C1orf141: variants seen among roughly 807,000 people sequenced by gnomAD.
C1orf141 encodes the protein chromosome 1 open reading frame 141.
A neutral mutation model predicts 23.2 loss-of-function variants in C1orf141; 19 were observed. The observed-to-expected ratio is 0.82, with a 90% CI of 0.57 to 1.20. C1orf141 has a LOEUF of 1.20. Among genes scored for constraint, C1orf141 ranks in the 50% most tolerant of loss-of-function variants. The pLI, the probability that C1orf141 is intolerant of heterozygous loss-of-function variation, is 0.00. For missense variants in C1orf141, 469 were observed against 455.1 expected (o/e 1.03, Z -0.28); for synonymous variants, 153 against 154.6 (o/e 0.99, Z 0.08).
At chr1:67,136,565 C>T (rs968992947), upstream of C1orf141, among the ~76,000 whole-genome samples, 1 of 152,140 alleles carries the variant, frequency 6.6e-6, no homozygotes, top group Non-Finnish European at 1.5e-5. Context: ...ATTTGTAAAG[C>T]ATGAATCTTA....
chr1:67,093,003 T>G lies in C1orf141; in HGVS notation c.*2A>C. On this transcript the variant is annotated 3_prime_UTR_variant, in exon 8 of 8. Coordinates refer to ENST00000684719, the MANE Select transcript of C1orf141 (RefSeq NM_001276351.2). ...CTCAAATATTGCTGCATACATAATATTTTATGAGGCATTTAAAATTTCATT... is the reference window on the plus strand; with the variant it reads ...CTCAAATATTGCTGCATACATAATAGTTTATGAGGCATTTAAAATTTCATT... The G allele has an allele frequency of 6.4e-7, 1 of 1,573,848 alleles. No homozygotes were observed. The highest frequency in any genetic ancestry group is 1.4e-5 in the African/African-American group (1 of 73,614).
chr1:67,135,477 G>A (rs1224700926), upstream of C1orf141, among the ~76,000 whole-genome samples: 1 of 152,146 alleles, frequency 6.6e-6, no homozygotes, highest in Non-Finnish European at 1.5e-5. Flanking sequence ...ACTGTATTAC[G>A]CAAGTTGTGT....
At chr1:67,103,492 C>A (rs1173351255) in intron 5 of C1orf141, 1 of 557,714 alleles carries the variant, frequency 1.8e-6, no homozygotes, top group African/African-American at 1.9e-5. Context: ...ATTATGATAA[C>A]TAACAGCTGT....
intron 4 of C1orf141, among the ~76,000 whole-genome samples, chr1:67,119,568 T>C (rs1646260586): frequency 6.6e-6 from 1 of 152,110 alleles, no homozygotes; most frequent in African/African-American, 2.4e-5. Context: ...AAAAGTATGC[T>C]TGGGAGAGAA....
At chr1:67,139,849 C>T (rs1032294978), upstream of C1orf141, among the ~76,000 whole-genome samples, 8 of 152,024 alleles carry the variant, frequency 5.3e-5, no homozygotes, top group Non-Finnish European at 7.4e-5. Context: ...CTTGGTGGGG[C>T]CTTTAAAAGG....
Position 67,095,410 on chromosome 1 carries a change from G to A in C1orf141, c.428C>T (p.Pro143Leu). The change falls in exon 7 of 8, where the codon CCA (proline) becomes CTA (leucine). Residue 143 changes from proline to leucine, a missense_variant. Pro to Leu is a moderately conservative substitution (Grantham distance 98). Around this residue, in one of 3 missense-constraint regions of C1orf141, gnomAD observed 370 missense variants for 348.1 expected, o/e 1.06. Coordinates refer to ENST00000684719, the MANE Select transcript of C1orf141 (RefSeq NM_001276351.2). ...EGDRNKRKKS[P>L]QMNDFNIKEN... Reference sequence around the variant, plus strand: ...TTTTATATTAAAATCGTTCATCTGTGGAGATTTTTTTCTGAAAATAAACAC... The same window carrying A: ...TTTTATATTAAAATCGTTCATCTGTAGAGATTTTTTTCTGAAAATAAACAC... The A allele has an allele frequency of 6.6e-7, 1 of 1,525,754 alleles. No individual in the cohort carries two copies. Among genetic ancestry groups the A allele is most frequent in the South Asian group, 1.2e-5 (1 of 81,076 alleles). 94.5% of individuals were successfully genotyped at this position (1,525,754 alleles called of 1,614,324 possible).
chr1:67,107,180 G>A (rs1024257468), intron 5 of C1orf141, among the ~76,000 whole-genome samples: 1 of 152,130 alleles, frequency 6.6e-6, no homozygotes, highest in Non-Finnish European at 1.5e-5. Context: ...ACTGTGACAA[G>A]TTGATGATGT....
At chr1:67,097,319 T>C (rs1645704250) in intron 5 of C1orf141, among the ~76,000 whole-genome samples, 1 of 152,224 alleles carries the variant, frequency 6.6e-6, no homozygotes, top group Non-Finnish European at 1.5e-5. Flanking sequence ...TCAAGTACCA[T>C]GGAAGAATAT....
intron 5 of C1orf141, chr1:67,111,563 C>T (rs1378718704): frequency 8.9e-7 from 1 of 1,124,202 alleles, no homozygotes; most frequent in Non-Finnish European, 1.2e-6. Flanking sequence ...ACTGAGTATA[C>T]AAATTACACC....
intron 4 of C1orf141, among the ~76,000 whole-genome samples, chr1:67,124,617 C>G (rs1646368879): frequency 6.6e-6 from 1 of 152,184 alleles, no homozygotes; most frequent in African/African-American, 2.4e-5. Flanking sequence ...CCATGCCCGG[C>G]CCACAAATGT....
intron 2 of C1orf141, among the ~76,000 whole-genome samples, chr1:67,129,905 T>C (rs1306075170): frequency 1.3e-5 from 2 of 152,216 alleles, no homozygotes; most frequent in East Asian, 3.8e-4. Flanking sequence ...CTTCAGAATA[T>C]ACTGAAGACT....
chr1:67,125,485 G>A (rs1194057226), intron 4 of C1orf141, among the ~76,000 whole-genome samples: 2 of 152,010 alleles, frequency 1.3e-5, no homozygotes, highest in African/African-American at 4.8e-5. Context: ...ATCTCTTGAG[G>A]CCAGAAGTTC....
Position 67,092,932 on chromosome 1 carries a change from A to C in C1orf141, c.*73T>G, listed in dbSNP as rs1408763397. 1 of 1,187,524 alleles carries C rather than the reference A, an allele frequency of 8.4e-7. No homozygotes were observed. The highest frequency in any genetic ancestry group is 1.5e-5 in the African/African-American group (1 of 64,676). The allele number at this position is 1,187,524 out of a possible 1,614,324, so 73.6% of individuals were successfully genotyped here. On this transcript the variant is annotated 3_prime_UTR_variant, in exon 8 of 8. Coordinates refer to ENST00000684719, the MANE Select transcript of C1orf141 (RefSeq NM_001276351.2). ...CAATTAGAACATTACTATTTGGATA[A>C]GAATTTCTTTTATAATTTTGGAACT...
chr1:67,123,228 T>C (rs1646336639), intron 4 of C1orf141: 1 of 149,362 alleles, frequency 6.7e-6, no homozygotes, highest in Admixed American at 6.7e-5. Context: ...TAAATAAAAA[T>C]AAAAGTTCAG....
intron 4 of C1orf141, chr1:67,122,610 C>T (rs2102484308): frequency 6.6e-6 from 1 of 152,248 alleles, no homozygotes; most frequent in African/African-American, 2.4e-5. Context: ...TGACTGCTTC[C>T]TCAAATTTTT....
chr1:67,096,730 G>T (rs1427200548), intron 5 of C1orf141, among the ~76,000 whole-genome samples: 1 of 152,180 alleles, frequency 6.6e-6, no homozygotes, highest in Non-Finnish European at 1.5e-5. Context: ...ATCCAAGGTT[G>T]ATCTCTTCCA....
chr1:67,131,408 CCTT>C (rs1395238491), intron 1 of C1orf141, among the ~76,000 whole-genome samples, 181 bp from the exon 2 acceptor site: 2 of 152,040 alleles, frequency 1.3e-5, no homozygotes, highest in Non-Finnish European at 2.9e-5. Flanking sequence ...GAGTGAGACT[CCTT>C]CTCAAAAACC....
intron 5 of C1orf141, among the ~76,000 whole-genome samples, chr1:67,097,680 T>C (rs1242544287): frequency 6.6e-6 from 1 of 152,174 alleles, no homozygotes; most frequent in Non-Finnish European, 1.5e-5. Context: ...AAGATCACTC[T>C]GCTTGCTCAG....
chr1:67,108,615 C>G (rs1211185919), intron 5 of C1orf141, among the ~76,000 whole-genome samples: 1 of 152,092 alleles, frequency 6.6e-6, no homozygotes, highest in Non-Finnish European at 1.5e-5. Context: ...GTAGTCCCAG[C>G]TATTCAGGAA....
Sources: allele counts gnomAD v4.1 joint callset (sites outside exome capture counted in the v4.1 genomes callset), GRCh38; gene constraint gnomAD v4.1.1; regional missense constraint gnomAD v4.1.1; transcripts MANE v1.5; gene names NCBI Gene and HGNC (gene_info 2026-07-23, HGNC 2026-07-21).